The following MYO3A variants were observed in gnomAD, a reference collection of about 807,000 sequenced individuals.
MYO3A encodes myosin-IIIa.
In MYO3A, 180 loss-of-function variants were observed where a neutral mutation model predicts 192.7. That is an observed-to-expected ratio of 0.93 (90% CI 0.83 to 1.06). The LOEUF is 1.06. MYO3A is among the 50% of genes least tolerant of loss of function. The pLI, the probability that MYO3A is intolerant of heterozygous loss-of-function variation, is 0.00. For synonymous variants in MYO3A, 628 were observed against 645.3 expected (o/e 0.97, Z 0.41); for missense variants, 1,896 against 1,905.0 (o/e 1.00, Z 0.09).
At chr10:26,143,259 A>G (rs1564591112) in intron 20 of MYO3A, among the ~76,000 whole-genome samples, 189 bp from the exon 21 acceptor site, 1 of 152,160 alleles carries the variant, frequency 6.6e-6, no homozygotes, top group Admixed American at 6.5e-5. Flanking sequence ...TGAACCTTGG[A>G]GGCAGAGGTT....
At chr10:26,173,039 G>A (rs919740779) in intron 29 of MYO3A, among the ~76,000 whole-genome samples, 3 of 147,006 alleles carry the variant, frequency 2.0e-5, no homozygotes, top group African/African-American at 7.7e-5. Context: ...TCTTGTAAGG[G>A]TTTTGCCTTT....
chr10:26,179,373 G>A (rs7083144), intron 31 of MYO3A, among the ~76,000 whole-genome samples: 18,807 of 151,982 alleles, frequency 0.12, 1,448 homozygotes, highest in East Asian at 0.3. Context: ...AAAGTGCTGG[G>A]ATTACAGGCT....
rs965247836 is a variant in MYO3A at position 26,008,789 on chromosome 10, A to C, written c.509-8031A>C. Among the ~76,000 whole-genome samples the C allele has an allele frequency of 3.2e-4, 48 of 151,990 alleles. 2 individuals carry two copies. The highest frequency in any genetic ancestry group is 3.1e-3 in the Admixed American group (48 of 15,270). On this transcript the variant is annotated intron_variant, in intron 6 of 34. Transcript: ENST00000642920. ...TTTCACACTGTTGGTGGGACTGTAG[A>C]CTAGTTCAACCATTGTGGAAGTCAG...
chr10:26,121,560 G>A (rs1170977033), intron 18 of MYO3A, among the ~76,000 whole-genome samples: 1 of 152,126 alleles, frequency 6.6e-6, no homozygotes, highest in Non-Finnish European at 1.5e-5. Flanking sequence ...GACCAGCTTG[G>A]CCAACATGGT....
rs147612463 is a variant in MYO3A at position 25,989,953 on chromosome 10, G to A, written c.304-6537G>A. 1.2e-3 allele frequency among the ~76,000 whole-genome samples: 184 copies of A among 152,262 alleles called. 2 individuals are homozygous for A. Among genetic ancestry groups the A allele is most frequent in the African/African-American group, 3.6e-3 (149 of 41,546 alleles). ...GCAAAGGCTGAAGTATTAAGGATTG[G>A]AGGATCAAGGATTTGTGGGGTCAGT... is the stretch of plus-strand genomic sequence containing the variant. On this transcript the variant is annotated intron_variant, in intron 4 of 34. Coordinates refer to ENST00000642920, the MANE Select transcript of MYO3A (RefSeq NM_017433.5).
At chr10:26,090,134 A>C (rs1243975393) in intron 15 of MYO3A, among the ~76,000 whole-genome samples, 1 of 152,188 alleles carries the variant, frequency 6.6e-6, no homozygotes, top group African/African-American at 2.4e-5. Flanking sequence ...ATAATTGTGT[A>C]AGCTTCTCCT....
At chr10:26,197,613 G>A (rs1311512218) in intron 32 of MYO3A, among the ~76,000 whole-genome samples, 6 of 152,306 alleles carry the variant, frequency 3.9e-5, no homozygotes, top group East Asian at 1.9e-4. Context: ...GCCCAGGCTG[G>A]AATGCAGTGG....
chr10:25,990,107 G>A (rs1839918097), intron 4 of MYO3A, among the ~76,000 whole-genome samples: 1 of 152,060 alleles, frequency 6.6e-6, no homozygotes, highest in Non-Finnish European at 1.5e-5. Flanking sequence ...AGTTTTCTGT[G>A]ATATTTAATA....
rs1324547335 is a variant in MYO3A, at chr10:26,174,113, A to T, written c.3849A>T (p.Lys1283Asn). The change falls in exon 30 of 35, where the codon AAA (lysine) becomes AAT (asparagine). Residue 1283 changes from lysine (K) to asparagine (N), a missense_variant. Transcript: ENST00000642920. The stretch of plus-strand genomic sequence containing the variant: ...CTGAAAATGAGACTTCCTTTAAAAA[A>T]ACTTTGGAACCTACACTTAGCCAAA... ...WLAENETSFK[K>N]TLEPTLSQRS... is the part of the protein sequence containing the mutation. 1.2e-6 allele frequency: 2 copies of T among 1,614,110 alleles called. No individual in the cohort carries two copies. The highest frequency in any genetic ancestry group is 1.7e-5 in the Admixed American group (1 of 60,010).
intron 2 of MYO3A, among the ~76,000 whole-genome samples, chr10:25,946,877 C>CA (rs34045169): frequency 0.02 from 988 of 50,168 alleles, 147 homozygotes; most frequent in African/African-American, 0.079. Context: ...GACTCCGTCT[C>CA]AAAAAAAAAA....
chr10:26,115,290 C>G (rs541235468), intron 17 of MYO3A, among the ~76,000 whole-genome samples: 4 of 152,286 alleles, frequency 2.6e-5, no homozygotes, highest in Non-Finnish European at 5.9e-5. Flanking sequence ...ATGGCAGAGG[C>G]AAGCTGTGTG....
chr10:26,053,982 A>G lies in MYO3A; in HGVS notation c.954-12993A>G, dbSNP rs576757106. 8.5e-5 allele frequency among the ~76,000 whole-genome samples: 13 copies of G among 152,232 alleles called. No individual in the cohort carries two copies. In the South Asian group the frequency reaches 2.7e-3, roughly 32 times the overall value. On this transcript the variant is annotated intron_variant, in intron 10 of 34. Transcript: ENST00000642920. ...GGCTTGTGGCTCTTTGGGCAGAGAG[A>G]AGAGTCAGCCTTTGAGGCAGGAGTG...
intron 10 of MYO3A, among the ~76,000 whole-genome samples, chr10:26,038,056 C>T (rs1335237581): frequency 6.6e-6 from 1 of 152,150 alleles, no homozygotes; most frequent in African/African-American, 2.4e-5. Flanking sequence ...TCCCATTGGT[C>T]CATGTGTCTG....
At chr10:25,953,230 A>G (rs901373612) in intron 3 of MYO3A, among the ~76,000 whole-genome samples, 7 of 152,020 alleles carry the variant, frequency 4.6e-5, no homozygotes, top group African/African-American at 1.7e-4. Flanking sequence ...AGATGCTGCA[A>G]AAGGTCTCTG....
rs546532673 is a variant in MYO3A, at chr10:26,087,041, G to T, written c.1360-1162G>T. Among the ~76,000 whole-genome samples, 363 of 152,168 alleles carry T rather than the reference G, an allele frequency of 2.4e-3. 2 individuals are homozygous for T. The highest frequency in any genetic ancestry group is 8.4e-3 in the African/African-American group (347 of 41,516). ...CACATCTTATCTTGTTTTTACTTAT[G>T]TCCTTGATAAGGATTTACCAGATGC... On this transcript the variant is annotated intron_variant, in intron 14 of 34. Transcript: ENST00000642920.
intron 34 of MYO3A, among the ~76,000 whole-genome samples, chr10:26,203,493 G>A (rs1843772168): frequency 6.6e-6 from 1 of 152,080 alleles, no homozygotes; most frequent in Non-Finnish European, 1.5e-5. Context: ...TCTTAATTAT[G>A]CTTGTTAATT....
intron 6 of MYO3A, among the ~76,000 whole-genome samples, chr10:26,007,032 C>T (rs548274831): frequency 2.0e-5 from 3 of 147,012 alleles, no homozygotes; most frequent in South Asian, 2.1e-4. Flanking sequence ...GCTTATCCAC[C>T]ATGATCAAGT....
chr10:26,022,735 AG>A (rs1404821373), intron 8 of MYO3A: 204 of 152,314 alleles, frequency 1.3e-3, no homozygotes, highest in African/African-American at 4.6e-3. Flanking sequence ...GTACTGCCTT[AG>A]CTGTTTTAAC....
chr10:26,070,232 A>G lies in MYO3A; in HGVS notation c.1275+17A>G, dbSNP rs775429610. On this transcript the variant is annotated intron_variant, in intron 13 of 34. Coordinates refer to ENST00000642920, the MANE Select transcript of MYO3A (RefSeq NM_017433.5). ...TCAGATCAGGTAAGAAGAGTCTCCC[A>G]TTCTTAGAAATTTACCTCTTAGTTA... 8 of 1,595,556 alleles carry G rather than the reference A, an allele frequency of 5.0e-6. No homozygotes were observed. Among genetic ancestry groups the G allele is most frequent in the Non-Finnish European group, 6.9e-6 (8 of 1,164,004 alleles).
Sources: gnomAD v4.1 joint callset for allele counts (sites outside exome capture counted in the v4.1 genomes callset) on GRCh38, gnomAD v4.1.1 for gene constraint, MANE v1.5 for transcripts, NCBI Gene and HGNC (gene_info 2026-07-23, HGNC 2026-07-21) for gene names.